MTFR1: variants seen among roughly 807,000 people sequenced by gnomAD.
The protein encoded by MTFR1 is mitochondrial fission regulator 1.
Under a neutral mutation model 38.8 loss-of-function variants are expected in MTFR1, and 28 were observed. The ratio of observed to expected loss-of-function variants is 0.72; its 90% confidence interval spans 0.53 to 0.99. The LOEUF (loss-of-function observed/expected upper bound fraction) is 0.99. Among genes scored for constraint, MTFR1 ranks in the 50% least tolerant of loss-of-function variants. The pLI, the probability that MTFR1 is intolerant of heterozygous loss-of-function variation, is 0.00. For synonymous variants in MTFR1, 145 were observed against 137.0 expected (o/e 1.06, Z -0.41); for missense variants, 358 against 395.5 (o/e 0.91, Z 0.81).
In MTFR1 at chr8:65,662,105, GTCTCCC is replaced by G. The variant is rs1297732846; in HGVS notation, c.-80-7757_-80-7752del. On this transcript the variant is annotated intron_variant, in intron 1 of 7. Transcript: ENST00000262146. ...GTCTCCCTCTCCCTCTCTTTCCACA[GTCTCCC>G]TCTCCCTCTCTTTCCACGGTCTCCC... Among the ~76,000 whole-genome samples, 6 of 85,624 alleles carry G rather than the reference GTCTCCC, an allele frequency of 7.0e-5. No homozygotes were observed. The Admixed American group carries it at 9.5e-4, about 13-fold the overall frequency. 56.2% of individuals were successfully genotyped at this position (85,624 alleles called of 152,430 possible). A position where few individuals can be genotyped will look rare whatever the true frequency, so the allele number is the denominator to read the frequency against.
intron 3 of MTFR1, chr8:65,724,239 C>T: frequency 6.6e-7 from 1 of 1,513,018 alleles, no homozygotes; most frequent in Non-Finnish European, 9.2e-7. Flanking sequence ...AATTATCACT[C>T]AATACTGTAA....
chr8:65,674,916 A>G (rs752032675), intron 2 of MTFR1, among the ~76,000 whole-genome samples: 10 of 152,268 alleles, frequency 6.6e-5, no homozygotes, highest in Non-Finnish European at 1.3e-4. Flanking sequence ...TGTGAACCCA[A>G]TTCTGATTCC....
Position 65,707,000 on chromosome 8 carries a change from G to T in MTFR1, c.518-10G>T, listed in dbSNP as rs1411393481. ...AGTGGGATTAAGTTTGTTTTCCTTT[G>T]TTTCTGTAGGTGACTTAGATTCTAC... On this transcript the variant is annotated splice_polypyrimidine_tract_variant and intron_variant, in intron 5 of 7. Coordinates refer to ENST00000262146, the MANE Select transcript of MTFR1 (RefSeq NM_014637.4). The T allele has an allele frequency of 1.5e-5, 24 of 1,573,134 alleles. No homozygotes were observed. The highest frequency in any genetic ancestry group is 2.1e-5 in the Non-Finnish European group (24 of 1,161,802).
At chr8:65,696,920 C>G (rs1246642942) in intron 4 of MTFR1, among the ~76,000 whole-genome samples, 2 of 150,154 alleles carry the variant, frequency 1.3e-5, no homozygotes, top group African/African-American at 4.9e-5. Context: ...CTCGGCTTCC[C>G]AAAGTGCTGG....
At chr8:65,773,402 C>A (rs1169802004), downstream of MTFR1, among the ~76,000 whole-genome samples, 1 of 152,146 alleles carries the variant, frequency 6.6e-6, no homozygotes, top group Admixed American at 6.5e-5. Flanking sequence ...CATTTGTCAC[C>A]TTTTATGAAC....
downstream of MTFR1, among the ~76,000 whole-genome samples, chr8:65,775,331 T>C (rs1585908121): frequency 6.6e-6 from 1 of 152,366 alleles, no homozygotes; most frequent in East Asian, 1.9e-4. Flanking sequence ...ATTTTGATAT[T>C]ATTTTTCTAA....
chr8:65,756,231 T>C (rs1808234826), intron 3 of MTFR1, among the ~76,000 whole-genome samples: 1 of 152,250 alleles, frequency 6.6e-6, no homozygotes, highest in Admixed American at 6.5e-5. Context: ...CTATAGTGTG[T>C]CTCAGTGTGG....
intron 3 of MTFR1, chr8:65,724,458 C>A: frequency 1.5e-6 from 1 of 660,406 alleles, no homozygotes; most frequent in South Asian, 2.4e-5. Context: ...AATAAATAAG[C>A]CAGAAATATA....
chr8:65,706,725 A>C (rs542432431), intron 5 of MTFR1, among the ~76,000 whole-genome samples: 1 of 152,350 alleles, frequency 6.6e-6, no homozygotes, highest in Non-Finnish European at 1.5e-5. Flanking sequence ...AAGTGATTAC[A>C]AACTGTGCTG....
chr8:65,663,843 G>C (rs1342928113), intron 1 of MTFR1, among the ~76,000 whole-genome samples: 2 of 19,038 alleles, frequency 1.1e-4, no homozygotes, highest in Admixed American at 6.3e-4. Flanking sequence ...TTTTTTTTTT[G>C]AGACGGAGCC....
At chr8:65,687,214 G>GA (rs1440759774) in intron 3 of MTFR1, among the ~76,000 whole-genome samples, 2 of 152,066 alleles carry the variant, frequency 1.3e-5, no homozygotes, top group Non-Finnish European at 2.9e-5. Flanking sequence ...ATTGTATATT[G>GA]AAAATCACTG....
intron 3 of MTFR1, among the ~76,000 whole-genome samples, chr8:65,758,693 G>A (rs186696024): frequency 6.6e-6 from 1 of 152,332 alleles, no homozygotes; most frequent in East Asian, 1.9e-4. Flanking sequence ...TCTCTGCCCA[G>A]TGCTGGACAT....
intron 4 of MTFR1, among the ~76,000 whole-genome samples, chr8:65,698,572 G>A (rs993117941): frequency 2.6e-5 from 4 of 152,062 alleles, no homozygotes; most frequent in African/African-American, 9.7e-5. Context: ...TTTAGGTTCG[G>A]GGGTACATGT....
intron 3 of MTFR1, among the ~76,000 whole-genome samples, chr8:65,740,466 T>C (rs576431276): frequency 6.6e-6 from 1 of 152,216 alleles, no homozygotes; most frequent in South Asian, 2.1e-4. Context: ...AATGGTGCGA[T>C]CTTGGCTCAC....
intron 3 of MTFR1, among the ~76,000 whole-genome samples, chr8:65,766,433 A>C (rs1052127240): frequency 5.3e-5 from 8 of 152,216 alleles, no homozygotes; most frequent in Non-Finnish European, 1.0e-4. Flanking sequence ...GAAACTAAAC[A>C]AGGAGCCTCC....
At chr8:65,736,318 T>C (rs1035028388) in intron 3 of MTFR1, among the ~76,000 whole-genome samples, 4 of 152,186 alleles carry the variant, frequency 2.6e-5, no homozygotes, top group African/African-American at 9.7e-5. Context: ...TTATGAATTG[T>C]TTACTTCTGG....
chr8:65,732,155 T>C (rs1806920264), intron 3 of MTFR1, among the ~76,000 whole-genome samples: 1 of 152,028 alleles, frequency 6.6e-6, no homozygotes, highest in Non-Finnish European at 1.5e-5. Context: ...CCCGCCACCA[T>C]GCCCAGCTAA....
intron 2 of MTFR1, among the ~76,000 whole-genome samples, chr8:65,716,900 C>A (rs775596273): frequency 3.9e-5 from 6 of 152,098 alleles, no homozygotes; most frequent in Non-Finnish European, 8.8e-5. Flanking sequence ...GACCTCTATA[C>A]CCACACTGTC....
At chr8:65,679,847 T>C (rs1265710992) in intron 2 of MTFR1, among the ~76,000 whole-genome samples, 1 of 152,228 alleles carries the variant, frequency 6.6e-6, no homozygotes, top group Admixed American at 6.5e-5. Context: ...ATGTGAATGA[T>C]GTTTTCTTCT....
Sources: gnomAD v4.1 joint callset for allele counts (sites outside exome capture counted in the v4.1 genomes callset) on GRCh38, gnomAD v4.1.1 for gene constraint, MANE v1.5 for transcripts, NCBI Gene and HGNC (gene_info 2026-07-23, HGNC 2026-07-21) for gene names.